The following IL1RAPL2 variants were observed in gnomAD, a reference collection of about 807,000 sequenced individuals.
The protein encoded by IL1RAPL2 is interleukin 1 receptor accessory protein like 2.
A neutral mutation model predicts 44.1 loss-of-function variants in IL1RAPL2; 3 were observed. That is an observed-to-expected ratio of 0.07 (90% CI 0.03 to 0.18). The LOEUF is 0.18. Among genes scored for constraint, IL1RAPL2 ranks in the 10% least tolerant of loss-of-function variants. The pLI, the probability that IL1RAPL2 is intolerant of heterozygous loss-of-function variation, is 1.00. For synonymous variants in IL1RAPL2, 181 were observed against 178.8 expected, an observed-to-expected ratio of 1.01 and a Z score of -0.10; for missense variants, 391 against 496.4, an observed-to-expected ratio of 0.79 and a Z score of 2.02.
intron 5 of IL1RAPL2, among the ~76,000 whole-genome samples, chrX:105,300,579 A>G (rs2034689298): frequency 9.0e-6 from 1 of 111,063 alleles, no homozygotes; most frequent in Non-Finnish European, 1.9e-5. Flanking sequence ...TGAACCATAA[A>G]AGGGACCAAA....
chrX:104,752,501 G>C (rs770440123), intron 2 of IL1RAPL2, among the ~76,000 whole-genome samples: 1 of 110,524 alleles, frequency 9.0e-6, no homozygotes, highest in African/African-American at 3.3e-5. Flanking sequence ...CCTAGTACAA[G>C]CTTTGCTCAT....
chrX:105,685,412 G>C (rs750709855), intron 6 of IL1RAPL2, among the ~76,000 whole-genome samples: 3 of 111,657 alleles, frequency 2.7e-5, no homozygotes, highest in Non-Finnish European at 5.6e-5. Flanking sequence ...TGATGCATGC[G>C]GAAGTTTCAA....
rs369722396 is a variant in IL1RAPL2, at chrX:104,955,746, T to G, written c.83-239729T>G. 1.6e-4 allele frequency among the ~76,000 whole-genome samples: 18 copies of G among 110,676 alleles called. No homozygotes were observed. The East Asian group carries it at 4.6e-3, about 28-fold the overall frequency. Reference sequence around the variant, plus strand: ...CTTCTTCCATTTGGTTTTAAAAGCTTCTGTCCCAGCAGGAAACACAAAGAG... The same window carrying G: ...CTTCTTCCATTTGGTTTTAAAAGCTGCTGTCCCAGCAGGAAACACAAAGAG... On this transcript the variant is annotated intron_variant, in intron 2 of 10. Coordinates refer to ENST00000372582, the MANE Select transcript of IL1RAPL2 (RefSeq NM_017416.2).
intron 2 of IL1RAPL2, among the ~76,000 whole-genome samples, chrX:104,931,125 T>G (rs1924887707): frequency 9.0e-6 from 1 of 110,719 alleles, no homozygotes; most frequent in African/African-American, 3.3e-5. Context: ...TACTTATTCC[T>G]GGGATTAAAA....
At chrX:105,299,814 G>C (rs957571071) in intron 5 of IL1RAPL2, among the ~76,000 whole-genome samples, 12 of 111,875 alleles carry the variant, frequency 1.1e-4, no homozygotes, top group African/African-American at 3.9e-4. Flanking sequence ...CTATATTTCT[G>C]TTTGGAACGC....
intron 2 of IL1RAPL2, among the ~76,000 whole-genome samples, chrX:105,068,879 C>A (rs2032171397): frequency 8.9e-6 from 1 of 111,845 alleles, no homozygotes; most frequent in South Asian, 3.7e-4. Context: ...CATTTTGAGG[C>A]TATTGAAGCT....
chrX:105,532,382 C>T (rs1025115200), intron 6 of IL1RAPL2, among the ~76,000 whole-genome samples: 7 of 111,580 alleles, frequency 6.3e-5, no homozygotes, highest in Middle Eastern at 4.6e-3. Flanking sequence ...TTTGGAATTT[C>T]TGTACCCATA....
chrX:105,356,121 ATGCCT>A (rs1267520597), intron 5 of IL1RAPL2, among the ~76,000 whole-genome samples: 1 of 108,758 alleles, frequency 9.2e-6, no homozygotes, highest in Non-Finnish European at 1.9e-5. Flanking sequence ...ATGACTTGTG[ATGCCT>A]TGACTGCTGT....
chrX:105,266,750 G>A (rs892959331), intron 4 of IL1RAPL2, among the ~76,000 whole-genome samples: 3 of 111,140 alleles, frequency 2.7e-5, no homozygotes, highest in East Asian at 2.8e-4. Context: ...ATAACAAAGC[G>A]TGTCCTCATT....
At chrX:104,925,128 C>T (rs563803316) in intron 2 of IL1RAPL2, among the ~76,000 whole-genome samples, 8 of 105,322 alleles carry the variant, frequency 7.6e-5, no homozygotes, top group Non-Finnish European at 1.2e-4. Flanking sequence ...GAAAAAAAGA[C>T]AACCCTCCAA....
intron 2 of IL1RAPL2, among the ~76,000 whole-genome samples, chrX:105,034,838 T>A (rs1231281610): frequency 8.9e-6 from 1 of 112,403 alleles, no homozygotes; most frequent in Non-Finnish European, 1.9e-5. Flanking sequence ...CTGCCCCCAG[T>A]GGTGGAGCCT....
chrX:105,000,811 G>T (rs922859824), intron 2 of IL1RAPL2, among the ~76,000 whole-genome samples: 3 of 111,301 alleles, frequency 2.7e-5, no homozygotes, highest in Non-Finnish European at 3.8e-5. Flanking sequence ...ACTACAGGTT[G>T]GTTAGAATTA....
intron 5 of IL1RAPL2, among the ~76,000 whole-genome samples, chrX:105,283,239 C>G (rs2034545755): frequency 9.0e-6 from 1 of 111,320 alleles, no homozygotes; most frequent in Non-Finnish European, 1.9e-5. Flanking sequence ...GGAGAATAGA[C>G]AGAGATTAAG....
intron 2 of IL1RAPL2, among the ~76,000 whole-genome samples, chrX:105,032,354 G>T (rs1344660462): frequency 9.3e-6 from 1 of 107,430 alleles, no homozygotes; most frequent in Non-Finnish European, 1.9e-5. Flanking sequence ...GCTTTCTCTT[G>T]TGGGCATTTA....
intron 2 of IL1RAPL2, among the ~76,000 whole-genome samples, chrX:105,058,684 GA>G (rs2032030825): frequency 9.0e-6 from 1 of 111,558 alleles, no homozygotes; most frequent in Admixed American, 9.5e-5. Context: ...CCATTTTACA[GA>G]CTTTTTTCCT....
chrX:105,738,694 A>G (rs1054708241), intron 7 of IL1RAPL2, among the ~76,000 whole-genome samples: 6 of 111,182 alleles, frequency 5.4e-5, no homozygotes, highest in African/African-American at 1.6e-4. Context: ...ACCCATTTTC[A>G]TCTCACCCAG....
chrX:105,554,463 G>A (rs721953), intron 6 of IL1RAPL2, among the ~76,000 whole-genome samples: 43,827 of 110,467 alleles, frequency 0.4, 8,832 homozygotes, highest in African/African-American at 0.75. Context: ...TGTGTTTGAT[G>A]CTTTTAATCA....
At chrX:105,076,943 G>A (rs978447621) in intron 2 of IL1RAPL2, among the ~76,000 whole-genome samples, 43 of 110,428 alleles carry the variant, frequency 3.9e-4, no homozygotes, top group Middle Eastern at 4.6e-3. Flanking sequence ...GTGTCTCTGC[G>A]TGTGAGATGG....
chrX:105,268,453 G>A (rs2034421069), intron 5 of IL1RAPL2, among the ~76,000 whole-genome samples: 1 of 111,124 alleles, frequency 9.0e-6, no homozygotes, highest in African/African-American at 3.3e-5. Flanking sequence ...TTAATGTACA[G>A]CATGTAGTTA....
Sources: allele counts gnomAD v4.1 joint callset (sites outside exome capture counted in the v4.1 genomes callset), GRCh38; gene constraint gnomAD v4.1.1; transcripts MANE v1.5; gene names NCBI Gene and HGNC (gene_info 2026-07-23, HGNC 2026-07-21).